Variants in EIF2AK2 observed in about 807,000 individuals in gnomAD.
EIF2AK2 encodes interferon-induced, double-stranded RNA-activated protein kinase.
Under a neutral mutation model 70.5 loss-of-function variants are expected in EIF2AK2, and 40 were observed. The ratio of observed to expected loss-of-function variants is 0.57; its 90% confidence interval spans 0.44 to 0.74. The LOEUF (loss-of-function observed/expected upper bound fraction) is 0.74, where lower values mean the gene tolerates loss of function less well. EIF2AK2 is among the 30% of genes least tolerant of loss of function. The probability of loss-of-function intolerance (pLI) is 0.00; values close to 1 mark genes in which losing one functional copy is unlikely to be tolerated. For synonymous variants in EIF2AK2, 198 were observed against 220.9 expected (o/e 0.90, Z 0.92); for missense variants, 555 against 644.3 (o/e 0.86, Z 1.50).
chr2:37,138,638 A>G (rs894028408), intron 6 of EIF2AK2, 53 bp from the exon 7 acceptor site: 2 of 1,511,688 alleles, frequency 1.3e-6, no homozygotes, highest in Non-Finnish European at 9.2e-7. Context: ...TTATTTCTCT[A>G]CAGAGGCTCA....
intron 4 of EIF2AK2, among the ~76,000 whole-genome samples, chr2:37,142,411 G>A (rs1190614280): frequency 2.0e-5 from 3 of 152,120 alleles, no homozygotes; most frequent in Admixed American, 2.0e-4. Flanking sequence ...AGGATTAGAG[G>A]TGTGAGCCAC....
rs1673985596 is a variant in EIF2AK2 at position 37,107,038 on chromosome 2, T to TC, written c.*234dup. 3.5e-6 allele frequency: 1 copy of TC among 285,412 alleles called. No homozygotes were observed. Among genetic ancestry groups the TC allele is most frequent in the Non-Finnish European group, 5.3e-6 (1 of 187,324 alleles). 17.7% of individuals were successfully genotyped at this position (285,412 alleles called of 1,614,324 possible). ...GCCTGGGCAACAGAGCGAGACTCTG[T>TC]CTTTAAAAAAAAAAAAAGAATAAAG... On this transcript the variant is annotated 3_prime_UTR_variant, in exon 17 of 17. Transcript: ENST00000233057.
chr2:37,131,297 G>A (rs116839862), intron 10 of EIF2AK2, among the ~76,000 whole-genome samples: 6,839 of 152,210 alleles, frequency 0.045, 200 homozygotes, highest in African/African-American at 0.083. Context: ...TGGACTATTA[G>A]CCCAATCCAT....
chr2:37,156,092 G>A (rs993658278), intron 1 of EIF2AK2, among the ~76,000 whole-genome samples: 3 of 152,144 alleles, frequency 2.0e-5, no homozygotes, highest in Non-Finnish European at 2.9e-5. Context: ...TGATAAGCTG[G>A]CATGGGAAGC....
In EIF2AK2 at chr2:37,141,674, T is replaced by G; in HGVS notation, c.268A>C (p.Thr90Pro). ...ATGGATAATCCTTCTGAAGAATTCG[T>G]TGTTGTCAATAATAAAGGACTAACT... ...KAVSPLLLTT[T>P]NSSEGLSMGN... Residue 90 changes from threonine to proline, a missense_variant, in exon 5 of 17, where the codon ACG becomes CCG. By Grantham distance (38) the Thr-to-Pro change is conservative. Coordinates refer to ENST00000233057, the MANE Select transcript of EIF2AK2 (RefSeq NM_001135651.3). The G allele has an allele frequency of 6.2e-7, 1 of 1,613,466 alleles. No individual in the cohort carries two copies.
chr2:37,136,732 T>A (rs207461658), intron 9 of EIF2AK2: 1 of 269,910 alleles, frequency 3.7e-6, no homozygotes. Flanking sequence ...GCCAGTCTTG[T>A]ACAAAATAAT....
At chr2:37,138,136 A>C (rs954284377) in intron 8 of EIF2AK2, 134 bp downstream of exon 8, 2 of 504,238 alleles carry the variant, frequency 4.0e-6, no homozygotes, top group African/African-American at 4.0e-5. Flanking sequence ...AAGTCTACTG[A>C]GGTATTATCA....
chr2:37,102,406 T>A lies in EIF2AK2; in HGVS notation c.*4867A>T, dbSNP rs1673849019. ...GTTTGAACATAAAGAAATGTATGAA[T>A]AATATTGAAATTATTCAATATTCCA... On this transcript the variant is annotated 3_prime_UTR_variant, in exon 17 of 17. Coordinates refer to ENST00000233057, the MANE Select transcript of EIF2AK2 (RefSeq NM_001135651.3). The A allele has an allele frequency of 1.3e-5, 2 of 152,204 alleles. No homozygotes were observed. The highest frequency in any genetic ancestry group is 4.1e-4 in the South Asian group (2 of 4,834). 9.4% of individuals were successfully genotyped at this position (152,204 alleles called of 1,614,324 possible).
chr2:37,107,621 T>C, intron 15 of EIF2AK2, 94 bp from the exon 16 acceptor site: 1 of 1,403,576 alleles, frequency 7.1e-7, no homozygotes, highest in East Asian at 2.3e-5. Flanking sequence ...ATGTAGGATA[T>C]TTCCAGATTT....
At chr2:37,127,741 ATTTTTT>A (rs34321110) in intron 10 of EIF2AK2, among the ~76,000 whole-genome samples, 3 of 125,430 alleles carry the variant, frequency 2.4e-5, no homozygotes, top group Non-Finnish European at 5.1e-5. Flanking sequence ...TGTTCCTGCA[ATTTTTT>A]TTTTTTTTTT....
chr2:37,146,609 T>G (rs1675547904), intron 4 of EIF2AK2, among the ~76,000 whole-genome samples: 1 of 152,246 alleles, frequency 6.6e-6, no homozygotes, highest in Admixed American at 6.5e-5. Flanking sequence ...TTGTTCAACT[T>G]TAGAGTATTT....
chr2:37,135,775 C>T (rs1346559946), intron 9 of EIF2AK2, among the ~76,000 whole-genome samples: 1 of 152,102 alleles, frequency 6.6e-6, no homozygotes, highest in East Asian at 1.9e-4. Flanking sequence ...GGATTACAGG[C>T]ATGTGCCACC....
intron 5 of EIF2AK2, among the ~76,000 whole-genome samples, chr2:37,141,127 T>G (rs1254126392): frequency 6.6e-6 from 1 of 152,214 alleles, no homozygotes; most frequent in Non-Finnish European, 1.5e-5. Context: ...TTAATCAAAT[T>G]TGAAGGACAA....
In EIF2AK2 at chr2:37,149,035, G is replaced by GA. The variant is rs1324969947; in HGVS notation, c.-183-13dup. 2.0e-6 allele frequency: 2 copies of GA among 980,688 alleles called. No individual in the cohort carries two copies. Among genetic ancestry groups the GA allele is most frequent in the East Asian group, 2.4e-5 (1 of 42,188 alleles). The allele number at this position is 980,688 out of a possible 1,614,324, so 60.7% of individuals were successfully genotyped here. On this transcript the variant is annotated splice_polypyrimidine_tract_variant and intron_variant, in intron 1 of 16. Transcript: ENST00000233057. ...ATTTGCTCCAGAAACTGGTAAAAGA[G>GA]AAAAAAGAAGGCTTAAAAAAATGCA... is the stretch of plus-strand genomic sequence containing the variant.
chr2:37,137,206 G>A (rs893188666), intron 8 of EIF2AK2, among the ~76,000 whole-genome samples, 189 bp from the exon 9 acceptor site: 1 of 152,134 alleles, frequency 6.6e-6, no homozygotes, highest in Non-Finnish European at 1.5e-5. Flanking sequence ...AATCTAATGA[G>A]TTTAAAATAG....
chr2:37,109,125 TGCA>T, intron 15 of EIF2AK2, 66 bp downstream of exon 15: 2 of 1,414,290 alleles, frequency 1.4e-6, no homozygotes, highest in Non-Finnish European at 2.0e-6. Context: ...AAGAACTGTC[TGCA>T]GCAGCACTCT....
At chr2:37,112,452 T>C (rs1408585897) in intron 14 of EIF2AK2, among the ~76,000 whole-genome samples, 1 of 152,186 alleles carries the variant, frequency 6.6e-6, no homozygotes, top group Non-Finnish European at 1.5e-5. Context: ...CTCACCTGAA[T>C]CCTCAAATTT....
At chr2:37,152,921 C>G (rs1017256400) in intron 1 of EIF2AK2, among the ~76,000 whole-genome samples, 2 of 152,304 alleles carry the variant, frequency 1.3e-5, no homozygotes, top group Non-Finnish European at 2.9e-5. Flanking sequence ...AGCCATCAAT[C>G]TGGGAGGCAT....
At chr2:37,149,063 C>T (rs932485462) in intron 1 of EIF2AK2, 40 bp from the exon 2 acceptor site, 5 of 993,656 alleles carry the variant, frequency 5.0e-6, no homozygotes, top group East Asian at 2.4e-5. Context: ...AAAATGCAAC[C>T]GCTGGTTCAG....
Sources: gnomAD v4.1 joint callset for allele counts (sites outside exome capture counted in the v4.1 genomes callset) on GRCh38, gnomAD v4.1.1 for gene constraint, MANE v1.5 for transcripts, NCBI Gene and HGNC (gene_info 2026-07-23, HGNC 2026-07-21) for gene names.